PCDH15: variants seen among roughly 807,000 people sequenced by gnomAD.
The protein encoded by PCDH15 is protocadherin related 15.
PCDH15 carries 129 observed loss-of-function variants against 178.5 expected under a neutral mutation model. The ratio of observed to expected loss-of-function variants is 0.72; its 90% CI spans 0.63 to 0.84. PCDH15 has a LOEUF of 0.84. Ranked by LOEUF, PCDH15 falls within the 40% of genes least tolerant of loss-of-function variation. The pLI, the probability that PCDH15 is intolerant of heterozygous loss-of-function variation, is 0.00. For synonymous variants in PCDH15, 800 were observed against 732.0 expected (o/e 1.09, Z -1.50); for missense variants, 2,230 against 2,099.9 (o/e 1.06, Z -1.21).
At chr10:54,948,624 A>C (rs906056064) in intron 2 of PCDH15, among the ~76,000 whole-genome samples, 1 of 151,952 alleles carries the variant, frequency 6.6e-6, no homozygotes, top group African/African-American at 2.4e-5. Context: ...AAGCAGAAGA[A>C]GAGATTAAAA....
intron 1 of PCDH15, among the ~76,000 whole-genome samples, chr10:54,751,480 C>T (rs973001123): frequency 3.9e-5 from 6 of 152,112 alleles, no homozygotes; most frequent in Admixed American, 2.6e-4. Flanking sequence ...TTCAAATACT[C>T]AAGAGTAATC....
chr10:54,348,201 T>C (rs1490247755), intron 5 of PCDH15, among the ~76,000 whole-genome samples: 1 of 152,152 alleles, frequency 6.6e-6, no homozygotes, highest in African/African-American at 2.4e-5. Context: ...AATATGCCCA[T>C]TGCCTCAACA....
chr10:54,196,005 G>GA (rs1255352346), intron 10 of PCDH15, 116 bp from the exon 11 acceptor site: 2 of 855,262 alleles, frequency 2.3e-6, no homozygotes, highest in Non-Finnish European at 3.7e-6. Flanking sequence ...ATCACATAAG[G>GA]AAAAAATACG....
intron 15 of PCDH15, among the ~76,000 whole-genome samples, chr10:54,090,907 A>C (rs550590724): frequency 1.2e-4 from 18 of 152,318 alleles, no homozygotes; most frequent in Middle Eastern, 3.4e-3. Context: ...TGAGAGGTTT[A>C]ATTGAAATAA....
chr10:54,038,878 T>C (rs1476461374), intron 18 of PCDH15, among the ~76,000 whole-genome samples: 1 of 152,044 alleles, frequency 6.6e-6, no homozygotes, highest in Non-Finnish European at 1.5e-5. Context: ...TATCATTCAT[T>C]GTTTTCAAAT....
intron 3 of PCDH15, among the ~76,000 whole-genome samples, chr10:54,441,219 A>C (rs910308343): frequency 6.6e-6 from 1 of 151,940 alleles, no homozygotes; most frequent in African/African-American, 2.4e-5. Flanking sequence ...TTGATGAATC[A>C]CTTCAGCAGT....
chr10:54,146,937 G>GTATATATATAGTGTA (rs1254514057), intron 14 of PCDH15, among the ~76,000 whole-genome samples: 16 of 138,408 alleles, frequency 1.2e-4, no homozygotes, highest in Admixed American at 2.2e-4. Flanking sequence ...TATATATAAT[G>GTATATATATAGTGTA]TATATATATA....
At chr10:54,697,684 G>GGC (rs2095253091) in intron 1 of PCDH15, among the ~76,000 whole-genome samples, 1 of 102,932 alleles carries the variant, frequency 9.7e-6, no homozygotes, top group Non-Finnish European at 2.1e-5. Context: ...GGGAAGGGAG[G>GGC]AAGGGAGGAA....
At chr10:54,652,092 G>T (rs1054931243) in intron 2 of PCDH15, among the ~76,000 whole-genome samples, 1 of 152,128 alleles carries the variant, frequency 6.6e-6, no homozygotes, top group Admixed American at 6.5e-5. Flanking sequence ...AGTAAATGTA[G>T]ATAGAAAATG....
chr10:55,316,394 T>C (rs1414864361), intron 1 of PCDH15, among the ~76,000 whole-genome samples: 1 of 152,174 alleles, frequency 6.6e-6, no homozygotes, highest in Non-Finnish European at 1.5e-5. Flanking sequence ...AATCTTAACA[T>C]TCATAAATAA....
chr10:54,169,017 A>G (rs1174457950), intron 13 of PCDH15, among the ~76,000 whole-genome samples: 1 of 152,188 alleles, frequency 6.6e-6, no homozygotes, highest in Non-Finnish European at 1.5e-5. Flanking sequence ...CTCCTCCCAC[A>G]GGAGCTTGCT....
At chr10:54,555,530 GA>G (rs1395486140) in intron 2 of PCDH15, among the ~76,000 whole-genome samples, 1 of 150,984 alleles carries the variant, frequency 6.6e-6, no homozygotes, top group African/African-American at 2.4e-5. Context: ...AGGAGTTTGA[GA>G]CCAGCCTGAC....
chr10:54,526,442 T>C (rs914575301), intron 3 of PCDH15, among the ~76,000 whole-genome samples: 1 of 152,200 alleles, frequency 6.6e-6, no homozygotes, highest in Non-Finnish European at 1.5e-5. Flanking sequence ...ATTTAGAAAA[T>C]ATAGATTTCT....
chr10:54,765,734 T>G lies in PCDH15; in HGVS notation c.-29+35191A>C, dbSNP rs534205286. On this transcript the variant is annotated intron_variant, in intron 1 of 37. Transcript: ENST00000644397. ...AAGATAATCATTTATTGATGAGAAATTAGAAGTTCAGATCTATTAAGAAAG... is the reference window on the plus strand; with the variant it reads ...AAGATAATCATTTATTGATGAGAAAGTAGAAGTTCAGATCTATTAAGAAAG... 2.0e-5 allele frequency among the ~76,000 whole-genome samples: 3 copies of G among 151,974 alleles called. No individual in the cohort carries two copies. In the South Asian group the frequency reaches 6.2e-4, roughly 32 times the overall value.
At chr10:54,658,130 T>C (rs2094438691) in intron 2 of PCDH15, among the ~76,000 whole-genome samples, 1 of 151,888 alleles carries the variant, frequency 6.6e-6, no homozygotes, top group Non-Finnish European at 1.5e-5. Flanking sequence ...CTTCAAGAAA[T>C]ATTGGATAAT....
At chr10:54,394,977 C>T (rs375384312) in intron 3 of PCDH15, among the ~76,000 whole-genome samples, 2 of 152,138 alleles carry the variant, frequency 1.3e-5, no homozygotes, top group South Asian at 2.1e-4. Context: ...TCTTATTCCC[C>T]GAACAATTGC....
At chr10:54,576,579 G>C (rs1312576456) in intron 2 of PCDH15, among the ~76,000 whole-genome samples, 2 of 152,156 alleles carry the variant, frequency 1.3e-5, no homozygotes, top group African/African-American at 4.8e-5. Flanking sequence ...AGAAAAGAGT[G>C]ATAAAGGATC....
rs1430098936 is a variant in PCDH15 at position 55,026,726 on chromosome 10, AAGG to A, written c.-79-129229_-79-129227del. On this transcript the variant is annotated intron_variant, in intron 2 of 5. Transcript: ENST00000458638. ...GAAATTGAAAATGCCTGAAAGCTTG[AAGG>A]AGAAGTCAATATCTGGAGGATATTT... 2.0e-5 allele frequency among the ~76,000 whole-genome samples: 3 copies of A among 152,116 alleles called. No homozygotes were observed. In the East Asian group the frequency reaches 5.8e-4, roughly 29 times the overall value.
chr10:54,226,725 A>G (rs1244803188), intron 9 of PCDH15, among the ~76,000 whole-genome samples: 1 of 152,216 alleles, frequency 6.6e-6, no homozygotes, highest in African/African-American at 2.4e-5. Context: ...CCTTCCACCT[A>G]TGCATCTGTA....
Sources: allele counts gnomAD v4.1 joint callset (sites outside exome capture counted in the v4.1 genomes callset), GRCh38; gene constraint gnomAD v4.1.1; transcripts MANE v1.5; gene names NCBI Gene and HGNC (gene_info 2026-07-23, HGNC 2026-07-21).